The following WWOX variants were observed in gnomAD, a reference collection of about 807,000 sequenced individuals.
WWOX encodes the protein WW domain-containing oxidoreductase.
WWOX carries 69 observed loss-of-function variants against 46.2 expected under a neutral mutation model. That is an observed-to-expected ratio of 1.49 (90% CI 1.23 to 1.82). WWOX has a LOEUF of 1.82. Among genes scored for constraint, WWOX ranks in the 40% most tolerant of loss-of-function variants. The probability of loss-of-function intolerance (pLI) is 0.00; values close to 1 mark genes in which losing one functional copy is unlikely to be tolerated. For synonymous variants in WWOX, 359 were observed against 202.6 expected, an observed-to-expected ratio of 1.77 and a Z score of -6.56; for missense variants, 919 against 542.6, an observed-to-expected ratio of 1.69 and a Z score of -6.89.
At position 79,212,241 on chromosome 16, in the gene WWOX, T is replaced by A; in HGVS notation, c.*445T>A. On this transcript the variant is annotated 3_prime_UTR_variant, in exon 9 of 9. Transcript: ENST00000566780. ...CAAGTGTTCACTGCTCCTTGCTGCA[T>A]TGATCCAGGAGATAATTGTTTCATT... 7.4e-7 allele frequency: 1 copy of A among 1,350,366 alleles called. No homozygotes were observed. The allele number at this position is 1,350,366 out of a possible 1,614,324, so 83.6% of individuals were successfully genotyped here.
intron 8 of WWOX, among the ~76,000 whole-genome samples, chr16:78,670,439 C>G (rs985495801): frequency 6.6e-6 from 1 of 152,108 alleles, no homozygotes; most frequent in Non-Finnish European, 1.5e-5. Flanking sequence ...GTTATGAGAA[C>G]TATTAGGGCT....
At chr16:78,384,841 A>C (rs1597140331) in intron 5 of WWOX, among the ~76,000 whole-genome samples, 3 of 152,168 alleles carry the variant, frequency 2.0e-5, no homozygotes, top group Non-Finnish European at 1.5e-5. Flanking sequence ...CCTTTCCTTA[A>C]AACTAGGCTT....
intron 8 of WWOX, among the ~76,000 whole-genome samples, chr16:78,806,862 A>G (rs990440586): frequency 6.6e-6 from 1 of 152,196 alleles, no homozygotes. Context: ...TCTGCCACAT[A>G]AGCAAACAGT....
chr16:78,991,925 C>T (rs976052243), intron 8 of WWOX, among the ~76,000 whole-genome samples: 3 of 152,126 alleles, frequency 2.0e-5, no homozygotes, highest in East Asian at 1.9e-4. Flanking sequence ...AACACAATAC[C>T]AGCCACAAAA....
chr16:78,489,332 G>A (rs1476796453), intron 8 of WWOX, among the ~76,000 whole-genome samples: 1 of 152,066 alleles, frequency 6.6e-6, no homozygotes, highest in African/African-American at 2.4e-5. Flanking sequence ...TTGGAATAAT[G>A]AACTGCCACA....
Position 79,211,754 on chromosome 16 carries a change from C to T in WWOX, c.1203C>T (p.Ser401=), listed in dbSNP as rs201428060. The T allele has an allele frequency of 6.3e-4, 1,010 of 1,614,178 alleles. 2 individuals are homozygous for T. The highest frequency in any genetic ancestry group is 7.8e-4 in the Non-Finnish European group (918 of 1,180,018). Residue 401 remains serine (S), a synonymous_variant, in exon 9 of 9, where the codon AGC becomes AGT. Transcript: ENST00000566780. ...CGGCCCGGACCCTGTGGGCGCTCAGCGAGAGGCTGATCCAAGAACGGCTTG... is the reference window on the plus strand; with the variant it reads ...CGGCCCGGACCCTGTGGGCGCTCAGTGAGAGGCTGATCCAAGAACGGCTTG... ...EETARTLWAL[S]ERLIQERLGS...
intron 8 of WWOX, among the ~76,000 whole-genome samples, chr16:78,924,837 G>A (rs2045462116): frequency 6.6e-6 from 1 of 152,146 alleles, no homozygotes; most frequent in African/African-American, 2.4e-5. Context: ...ACATATGTGT[G>A]AAAATGCATA....
At chr16:79,075,396 G>A (rs1356711708) in intron 8 of WWOX, among the ~76,000 whole-genome samples, 5 of 152,144 alleles carry the variant, frequency 3.3e-5, no homozygotes, top group African/African-American at 4.8e-5. Flanking sequence ...GGACTTTTCA[G>A]TACTTCCTTT....
chr16:78,226,780 G>A (rs1435883195), intron 5 of WWOX, among the ~76,000 whole-genome samples: 1 of 152,108 alleles, frequency 6.6e-6, no homozygotes, highest in South Asian at 2.1e-4. Context: ...TGCATGATAA[G>A]TGTGTCGTAC....
chr16:78,421,256 G>T (rs1005394983), intron 6 of WWOX, among the ~76,000 whole-genome samples: 1 of 152,092 alleles, frequency 6.6e-6, no homozygotes, highest in Non-Finnish European at 1.5e-5. Context: ...GGTTTGCAGC[G>T]TTGGCTCCTT....
At chr16:78,712,480 G>A (rs1160448192) in intron 8 of WWOX, among the ~76,000 whole-genome samples, 1 of 151,006 alleles carries the variant, frequency 6.6e-6, no homozygotes, top group Non-Finnish European at 1.5e-5. Flanking sequence ...CCAGCCTGGT[G>A]ACAGAGTGAG....
In WWOX at chr16:79,029,314, G is replaced by C. The variant is rs117411416; in HGVS notation, c.1057-182294G>C. ...TCCTCAGCTGCAGGCATGGGGAAGA[G>C]ACGCACATCAGCCATTAAGAAAAAG... On this transcript the variant is annotated intron_variant, in intron 8 of 8. Coordinates refer to ENST00000566780, the MANE Select transcript of WWOX (RefSeq NM_016373.4). Among the ~76,000 whole-genome samples the C allele has an allele frequency of 7.4e-3, 1,120 of 152,316 alleles. 6 individuals are homozygous for C. Among genetic ancestry groups the C allele is most frequent in the Non-Finnish European group, 0.012 (830 of 68,034 alleles).
intron 8 of WWOX, among the ~76,000 whole-genome samples, chr16:78,475,420 T>C (rs1199945797): frequency 6.6e-6 from 1 of 152,164 alleles, no homozygotes; most frequent in African/African-American, 2.4e-5. Flanking sequence ...GTAAATATTT[T>C]GCTTAGTTTT....
intron 5 of WWOX, chr16:78,355,478 T>C: frequency 3.0e-6 from 1 of 338,906 alleles, no homozygotes; most frequent in Non-Finnish European, 5.8e-6. Context: ...GGCGGGCACC[T>C]GTAGTCCCAG....
intron 8 of WWOX, among the ~76,000 whole-genome samples, chr16:78,908,754 G>C (rs34998298): frequency 0.027 from 4,176 of 152,232 alleles, 87 homozygotes; most frequent in Non-Finnish European, 0.04. Flanking sequence ...GTCAGTTCCT[G>C]GGTGGGAGCC....
At chr16:78,385,724 C>T (rs961603550) in intron 5 of WWOX, among the ~76,000 whole-genome samples, 1 of 152,164 alleles carries the variant, frequency 6.6e-6, no homozygotes, top group Non-Finnish European at 1.5e-5. Flanking sequence ...TTACAGGTAT[C>T]ATGTTATCCT....
At chr16:78,982,580 A>C (rs1209118059) in intron 8 of WWOX, among the ~76,000 whole-genome samples, 1 of 152,212 alleles carries the variant, frequency 6.6e-6, no homozygotes, top group Admixed American at 6.5e-5. Context: ...ATGGTTAGCT[A>C]GGCGCTGCTA....
At chr16:78,722,612 C>A (rs1340783560) in intron 8 of WWOX, among the ~76,000 whole-genome samples, 1 of 151,756 alleles carries the variant, frequency 6.6e-6, no homozygotes, top group Non-Finnish European at 1.5e-5. Context: ...GTGAGCTTAT[C>A]CCCTGGTAGG....
At chr16:78,493,881 G>A (rs2151465099) in intron 8 of WWOX, among the ~76,000 whole-genome samples, 1 of 152,290 alleles carries the variant, frequency 6.6e-6, no homozygotes. Flanking sequence ...CATTTGGATA[G>A]ATGAATGGTA....
Sources: allele counts gnomAD v4.1 joint callset (sites outside exome capture counted in the v4.1 genomes callset), GRCh38; gene constraint gnomAD v4.1.1; transcripts MANE v1.5; gene names NCBI Gene and HGNC (gene_info 2026-07-23, HGNC 2026-07-21).